The following SLC24A2 variants were observed in gnomAD, a reference collection of about 807,000 sequenced individuals.
SLC24A2 encodes solute carrier family 24 member 2, also known as sodium/potassium/calcium exchanger 2.
Under a neutral mutation model 62.0 loss-of-function variants are expected in SLC24A2, and 36 were observed. That is an observed-to-expected ratio of 0.58 (90% confidence interval 0.44 to 0.77). SLC24A2 has a LOEUF of 0.77. SLC24A2 is among the 30% of genes least tolerant of loss of function. The pLI is 0.00. For synonymous variants in SLC24A2, 358 were observed against 294.0 expected (o/e 1.22, Z -2.23); for missense variants, 846 against 817.9 (o/e 1.03, Z -0.42).
At chr9:19,846,545 C>T in the SLC24A2 span, among the ~76,000 whole-genome samples, 1 of 152,158 alleles carries the variant, frequency 6.6e-6, no homozygotes, top group Non-Finnish European at 1.5e-5. Flanking sequence ...TTAAATCTAA[C>T]TTGCCACTCT....
chr9:20,180,832 G>T, the SLC24A2 span, among the ~76,000 whole-genome samples: 1 of 152,120 alleles, frequency 6.6e-6, no homozygotes, highest in Non-Finnish European at 1.5e-5. Context: ...TAAGAGCTTT[G>T]CTTTCTCTTA....
the SLC24A2 span, among the ~76,000 whole-genome samples, chr9:20,097,499 T>C: frequency 6.6e-6 from 1 of 152,092 alleles, no homozygotes; most frequent in Non-Finnish European, 1.5e-5. Context: ...TAGACACTAA[T>C]AGTCACTTTG....
Position 19,515,868 on chromosome 9 carries a change from G to C in SLC24A2, c.*285C>G. On this transcript the variant is annotated 3_prime_UTR_variant, in exon 11 of 11. Coordinates refer to ENST00000341998, the MANE Select transcript of SLC24A2 (RefSeq NM_020344.4). The stretch of plus-strand genomic sequence containing the variant: ...GCCTGTGTCCTTGTTTGCATCGACT[G>C]TACCTCCGACCAGCGAGGTGTACTT... The C allele has an allele frequency of 6.8e-6, 3 of 438,612 alleles. No individual in the cohort carries two copies. Among genetic ancestry groups the C allele is most frequent in the Non-Finnish European group, 1.3e-5 (3 of 235,360 alleles). The allele number at this position is 438,612 out of a possible 1,614,324, so 27.2% of individuals were successfully genotyped here.
the SLC24A2 span, among the ~76,000 whole-genome samples, chr9:20,204,436 C>T: frequency 6.6e-6 from 1 of 152,216 alleles, no homozygotes; most frequent in Non-Finnish European, 1.5e-5. Flanking sequence ...ACCAACTAAT[C>T]ATCAAAGAAG....
At chr9:20,041,170 G>A in the SLC24A2 span, among the ~76,000 whole-genome samples, 417 of 148,586 alleles carry the variant, frequency 2.8e-3, 1 homozygote, top group African/African-American at 9.7e-3. Flanking sequence ...GCGTGCGCAC[G>A]TGTGCGCGCA....
intron 2 of SLC24A2, among the ~76,000 whole-genome samples, chr9:19,709,009 G>C (rs1342725532): frequency 2.0e-5 from 3 of 152,144 alleles, no homozygotes; most frequent in Admixed American, 6.5e-5. Flanking sequence ...CTACTCATCT[G>C]ACAAAGGGCT....
the SLC24A2 span, among the ~76,000 whole-genome samples, chr9:20,176,903 A>C: frequency 0.071 from 4,694 of 66,270 alleles, 224 homozygotes; most frequent in African/African-American, 0.27. Context: ...ACAGTTATCT[A>C]AAGTGTGAGG....
At chr9:20,020,791 T>C in the SLC24A2 span, among the ~76,000 whole-genome samples, 1 of 152,248 alleles carries the variant, frequency 6.6e-6, no homozygotes, top group Non-Finnish European at 1.5e-5. Flanking sequence ...TCTTTTCCTC[T>C]ACATCACTAA....
chr9:19,512,530 C>T lies in SLC24A2; in HGVS notation c.*3623G>A, dbSNP rs1373033538. On this transcript the variant is annotated 3_prime_UTR_variant, in exon 11 of 11. Transcript: ENST00000341998. ...CACCATCTGATCTTCAGCTTCAGTT[C>T]ATCAGGATCTGGTCAGGTGCAGAGG... The T allele has an allele frequency of 2.0e-4, 30 of 152,174 alleles. No individual in the cohort carries two copies. Among genetic ancestry groups the T allele is most frequent in the Non-Finnish European group, 2.8e-4 (19 of 68,046 alleles). 9.4% of individuals were successfully genotyped at this position (152,174 alleles called of 1,614,324 possible). A position where few individuals can be genotyped will look rare whatever the true frequency, so the allele number is the denominator to read the frequency against.
chr9:19,736,280 A>G (rs889185415), intron 2 of SLC24A2, among the ~76,000 whole-genome samples: 1 of 152,196 alleles, frequency 6.6e-6, no homozygotes, highest in African/African-American at 2.4e-5. Context: ...TAGTCTCAGT[A>G]AGAGAAAACA....
chr9:20,012,803 A>G, the SLC24A2 span, among the ~76,000 whole-genome samples: 1 of 152,210 alleles, frequency 6.6e-6, no homozygotes, highest in Non-Finnish European at 1.5e-5. Flanking sequence ...TCCATTTACA[A>G]TAGCAACAAA....
chr9:20,294,714 T>C, the SLC24A2 span, among the ~76,000 whole-genome samples: 2 of 152,074 alleles, frequency 1.3e-5, no homozygotes, highest in African/African-American at 2.4e-5. Context: ...AATAAATATT[T>C]GCTGGCAAAT....
chr9:20,131,012 G>A, the SLC24A2 span, among the ~76,000 whole-genome samples: 16 of 151,294 alleles, frequency 1.1e-4, no homozygotes, highest in Admixed American at 5.9e-4. Flanking sequence ...CCACAATGAC[G>A]AAAATAATGA....
chr9:19,558,819 C>T (rs7858369), intron 7 of SLC24A2, among the ~76,000 whole-genome samples: 28,525 of 152,128 alleles, frequency 0.19, 3,963 homozygotes, highest in African/African-American at 0.39. Context: ...CTGACAAAGG[C>T]GGCATGTTTT....
At chr9:20,058,637 TG>T in the SLC24A2 span, among the ~76,000 whole-genome samples, 1 of 152,146 alleles carries the variant, frequency 6.6e-6, no homozygotes, top group Non-Finnish European at 1.5e-5. Context: ...AAATACAGGC[TG>T]CATGTAGAGA....
At chr9:19,627,498 T>C (rs771889123) in intron 2 of SLC24A2, among the ~76,000 whole-genome samples, 25 of 152,122 alleles carry the variant, frequency 1.6e-4, no homozygotes, top group East Asian at 1.2e-3. Flanking sequence ...ATCTACACAA[T>C]TGTAATCAGA....
chr9:19,972,973 G>C, the SLC24A2 span, among the ~76,000 whole-genome samples: 1 of 152,106 alleles, frequency 6.6e-6, no homozygotes, highest in Non-Finnish European at 1.5e-5. Context: ...TTGGGGGGTG[G>C]GAAGAGGATG....
At chr9:20,224,187 A>C in the SLC24A2 span, among the ~76,000 whole-genome samples, 2 of 152,070 alleles carry the variant, frequency 1.3e-5, no homozygotes, top group Admixed American at 6.6e-5. Context: ...TTCTATACCA[A>C]GAAAACCTCA....
At chr9:19,629,691 G>A (rs1290671833) in intron 2 of SLC24A2, among the ~76,000 whole-genome samples, 2 of 152,204 alleles carry the variant, frequency 1.3e-5, no homozygotes, top group Non-Finnish European at 2.9e-5. Flanking sequence ...GGTGGTCCCA[G>A]TTATCACTGC....
Sources: allele counts gnomAD v4.1 joint callset (sites outside exome capture counted in the v4.1 genomes callset), GRCh38; gene constraint gnomAD v4.1.1; transcripts MANE v1.5; gene names NCBI Gene and HGNC (gene_info 2026-07-23, HGNC 2026-07-21).